The following KCNH1 variants were observed in gnomAD, a reference collection of about 807,000 sequenced individuals.
The protein encoded by KCNH1 is potassium voltage-gated channel subfamily H member 1.
KCNH1 carries 27 observed loss-of-function variants against 69.2 expected under a neutral mutation model. The observed-to-expected ratio is 0.39, with a 90% CI of 0.29 to 0.54. KCNH1 has a LOEUF of 0.54. Among genes scored for constraint, KCNH1 ranks in the 20% least tolerant of loss-of-function variants. KCNH1 has a pLI of 0.68. For synonymous variants in KCNH1, 456 were observed against 487.7 expected, an observed-to-expected ratio of 0.93 and a Z score of 0.86; for missense variants, 798 against 1,261.6, an observed-to-expected ratio of 0.63 and a Z score of 5.57.
intron 5 of KCNH1, among the ~76,000 whole-genome samples, chr1:211,038,851 G>T (rs771258240): frequency 2.0e-5 from 3 of 152,196 alleles, no homozygotes; most frequent in Non-Finnish European, 2.9e-5. Flanking sequence ...AAGGGAAACA[G>T]CATAAAAGTT....
At chr1:211,112,924 T>C (rs886439126) in intron 1 of KCNH1, among the ~76,000 whole-genome samples, 2 of 152,208 alleles carry the variant, frequency 1.3e-5, no homozygotes, top group Non-Finnish European at 2.9e-5. Flanking sequence ...CACAATCTGT[T>C]TATAAGTTAG....
rs749542825 is a variant in KCNH1 at position 211,133,844 on chromosome 1, C to T, written c.79+23G>A. The T allele has an allele frequency of 1.2e-6, 2 of 1,600,450 alleles. No homozygotes were observed. Among genetic ancestry groups the T allele is most frequent in the Non-Finnish European group, 1.7e-6 (2 of 1,172,880 alleles). On this transcript the variant is annotated intron_variant, in intron 1 of 10. Transcript: ENST00000271751. This position sits in a 1 kb window ranked among gnomAD's most constrained non-coding sequence, Gnocchi z 5.4. ...GGCACGGATAAAACGCCCGGGTAAT[C>T]GAAATCCGAATGCACCTCTTACCAT...
intron 10 of KCNH1, among the ~76,000 whole-genome samples, chr1:210,756,959 T>C (rs1318761669): frequency 2.0e-5 from 3 of 152,236 alleles, no homozygotes; most frequent in Non-Finnish European, 4.4e-5. Flanking sequence ...TCTTACTGAT[T>C]AGCAATTCAG....
intron 6 of KCNH1, among the ~76,000 whole-genome samples, chr1:210,923,645 C>T (rs1043590289): frequency 6.6e-6 from 1 of 152,200 alleles, no homozygotes; most frequent in Non-Finnish European, 1.5e-5. Flanking sequence ...GGCTTGTCAC[C>T]AACTCCAACC....
chr1:210,688,472 C>T (rs905949565), intron 10 of KCNH1, among the ~76,000 whole-genome samples: 3 of 152,098 alleles, frequency 2.0e-5, no homozygotes, highest in Non-Finnish European at 4.4e-5. Context: ...TGCATATTGC[C>T]CTCCCTCCAA....
chr1:210,925,061 T>C (rs1471559152), intron 6 of KCNH1, among the ~76,000 whole-genome samples: 1 of 152,106 alleles, frequency 6.6e-6, no homozygotes, highest in Non-Finnish European at 1.5e-5. Context: ...TTCTACCAGA[T>C]GCACAGATAT....
chr1:211,024,561 A>G lies in KCNH1; in HGVS notation c.559-5305T>C, dbSNP rs117913144. ...ATTGGGAGGTGTTAGATTTTATTCT[A>G]TGTACGGCTGGGTGTAACCAGAGGA... On this transcript the variant is annotated intron_variant, in intron 5 of 10. Transcript: ENST00000271751. Among the ~76,000 whole-genome samples, 4 of 152,318 alleles carry G rather than the reference A, an allele frequency of 2.6e-5. No homozygotes were observed. The East Asian group carries it at 7.7e-4, about 29-fold the overall frequency.
At chr1:211,078,837 G>A (rs1305912974) in intron 5 of KCNH1, among the ~76,000 whole-genome samples, 2 of 145,972 alleles carry the variant, frequency 1.4e-5, no homozygotes, top group Non-Finnish European at 3.0e-5. Flanking sequence ...AGAATGGCGT[G>A]AACCCGGGAG....
rs778096394 is a variant in KCNH1, at chr1:210,683,895, T to A, written c.2356A>T (p.Ser786Cys). ...GGACTCTCACGCACGGTGACCACGC[T>A]GGCCTTCACGAGGCTGTGGTTGGCG... ...ASANHSLVKA[S>C]VVTVRESPAT... The change falls in exon 11 of 11, where the codon AGC becomes TGC. Residue 786 changes from serine to cysteine, a missense_variant. Coordinates refer to ENST00000271751, the MANE Select transcript of KCNH1 (RefSeq NM_172362.3). The surrounding 1 kb of genome is among the most constrained non-coding windows in gnomAD (Gnocchi z 5.7). 8 of 1,613,790 alleles carry A rather than the reference T, an allele frequency of 5.0e-6. No individual in the cohort carries two copies. Among genetic ancestry groups the A allele is most frequent in the South Asian group, 1.1e-5 (1 of 91,072 alleles).
intron 10 of KCNH1, among the ~76,000 whole-genome samples, chr1:210,756,296 G>C (rs1483098937): frequency 6.6e-6 from 1 of 152,146 alleles, no homozygotes; most frequent in Non-Finnish European, 1.5e-5. Context: ...TTACCAATAG[G>C]GGGTGTCCAG....
At chr1:210,818,265 C>A (rs1684859257) in intron 7 of KCNH1, among the ~76,000 whole-genome samples, 2 of 152,110 alleles carry the variant, frequency 1.3e-5, no homozygotes, top group Non-Finnish European at 2.9e-5. Flanking sequence ...GCTAGAAAGA[C>A]AATTTCCAGC....
chr1:211,127,560 G>A (rs1691803196), intron 1 of KCNH1, among the ~76,000 whole-genome samples: 1 of 152,138 alleles, frequency 6.6e-6, no homozygotes, highest in African/African-American at 2.4e-5. Context: ...ACCCACAGTG[G>A]ATACTGATGC....
intron 7 of KCNH1, among the ~76,000 whole-genome samples, chr1:210,804,601 G>GA (rs1426579764): frequency 6.6e-6 from 1 of 152,182 alleles, no homozygotes; most frequent in Non-Finnish European, 1.5e-5. Flanking sequence ...ACCCATCAGT[G>GA]AATGAGCTTT....
At chr1:210,933,497 A>G (rs896324672) in intron 6 of KCNH1, among the ~76,000 whole-genome samples, 4 of 149,964 alleles carry the variant, frequency 2.7e-5, no homozygotes, top group Non-Finnish European at 5.9e-5. Flanking sequence ...CATGTACCCT[A>G]AAACTTAAAG....
chr1:210,683,677 C>G lies in KCNH1; in HGVS notation c.2574G>C (p.Ser858=). The change falls in exon 11 of 11, where the codon TCG becomes TCC. Residue 858 remains serine, a synonymous_variant. Coordinates refer to ENST00000271751, the MANE Select transcript of KCNH1 (RefSeq NM_172362.3). The surrounding 1 kb of genome is among the most constrained non-coding windows in gnomAD (Gnocchi z 5.7). The stretch of plus-strand genomic sequence containing the variant: ...TTGTCCTCTCGGGAAGTGTCTCCAT[C>G]GACTCAGCCTTGGACACCTTGTTCC... The part of the protein sequence containing the change: ...EDWNKVSKAE[S]METLPERTKA... 1 of 1,614,218 alleles carries G rather than the reference C, an allele frequency of 6.2e-7. No homozygotes were observed. Among genetic ancestry groups the G allele is most frequent in the Non-Finnish European group, 8.5e-7 (1 of 1,180,044 alleles).
In KCNH1 at chr1:211,045,041, G is replaced by GATATAT. The variant is rs71134652; in HGVS notation, c.559-25791_559-25786dup. Reference sequence around the variant, plus strand: ...ATCAATGTGTGGATAAATTGTGGGGGATATATATATATATATATGAATAAT... The same window carrying GATATAT: ...ATCAATGTGTGGATAAATTGTGGGGGATATATATATATATATATATATATGAATAAT... On this transcript the variant is annotated intron_variant, in intron 5 of 10. Coordinates refer to ENST00000271751, the MANE Select transcript of KCNH1 (RefSeq NM_172362.3). Among the ~76,000 whole-genome samples the GATATAT allele has an allele frequency of 2.0e-3, 163 of 81,714 alleles. 14 individuals carry two copies. The highest frequency in any genetic ancestry group is 5.0e-3 in the South Asian group (10 of 2,014). The allele number at this position is 81,714 out of a possible 152,430, so 53.6% of individuals were successfully genotyped here.
chr1:210,894,827 G>T lies in KCNH1; in HGVS notation c.1462+24813C>A, dbSNP rs577116590. On this transcript the variant is annotated intron_variant, in intron 7 of 10. Transcript: ENST00000271751. ...TCTTGGGCTTCCCAGCTTTCTGGAG[G>T]AACCATGAGCTAAATAAACTCTTTT... Among the ~76,000 whole-genome samples, 105 of 152,280 alleles carry T rather than the reference G, an allele frequency of 6.9e-4. 1 individual carries two copies. The highest frequency in any genetic ancestry group is 2.5e-3 in the African/African-American group (102 of 41,568).
At chr1:210,693,285 C>T (rs1318453782) in intron 10 of KCNH1, among the ~76,000 whole-genome samples, 1 of 152,170 alleles carries the variant, frequency 6.6e-6, no homozygotes, top group Non-Finnish European at 1.5e-5. Flanking sequence ...CTTTCTAGTC[C>T]CAGCCTGAAT....
chr1:211,075,934 G>A (rs781065448), intron 5 of KCNH1, among the ~76,000 whole-genome samples: 2 of 152,192 alleles, frequency 1.3e-5, no homozygotes, highest in African/African-American at 2.4e-5. Context: ...ATTATATCCC[G>A]CACCTGGCTC....
Sources: allele counts gnomAD v4.1 joint callset (sites outside exome capture counted in the v4.1 genomes callset), GRCh38; gene constraint gnomAD v4.1.1; non-coding constraint Gnocchi (gnomAD v3.1); transcripts MANE v1.5; gene names NCBI Gene and HGNC (gene_info 2026-07-23, HGNC 2026-07-21).